Variants in UNC5C observed in about 807,000 individuals in gnomAD.
The protein encoded by UNC5C is netrin receptor UNC5C.
Under a neutral mutation model 99.8 loss-of-function variants are expected in UNC5C, and 47 were observed. That is an observed-to-expected ratio of 0.47 (90% CI 0.37 to 0.60). UNC5C has a LOEUF of 0.60. Among genes scored for constraint, UNC5C ranks in the 20% least tolerant of loss-of-function variants. The pLI is 0.00. For missense variants in UNC5C, 1,062 were observed against 1,165.9 expected (o/e 0.91, Z 1.30); for synonymous variants, 487 against 452.2 (o/e 1.08, Z -0.98).
At chr4:95,493,679 C>T (rs1578194073) in intron 1 of UNC5C, among the ~76,000 whole-genome samples, 1 of 151,290 alleles carries the variant, frequency 6.6e-6, no homozygotes, top group Non-Finnish European at 1.5e-5. Context: ...TACTGTGGGG[C>T]AAAAGTTGTC....
At chr4:95,537,378 C>T (rs1013784933) in intron 1 of UNC5C, among the ~76,000 whole-genome samples, 31 of 152,066 alleles carry the variant, frequency 2.0e-4, no homozygotes, top group Admixed American at 2.0e-4. Context: ...AGGGGAAGGT[C>T]GGCGTGGAGG....
At chr4:95,254,880 A>G (rs899875186) in intron 4 of UNC5C, among the ~76,000 whole-genome samples, 16 of 152,162 alleles carry the variant, frequency 1.1e-4, no homozygotes, top group African/African-American at 3.6e-4. Context: ...ATAAATTCCA[A>G]TGTCTAGCTT....
intron 1 of UNC5C, among the ~76,000 whole-genome samples, chr4:95,544,140 C>T (rs953730540): frequency 2.6e-5 from 4 of 152,062 alleles, no homozygotes; most frequent in Non-Finnish European, 4.4e-5. Context: ...ATATATTATC[C>T]TCATTTTTAC....
At chr4:95,237,182 G>A (rs1047288895) in intron 7 of UNC5C, among the ~76,000 whole-genome samples, 1 of 151,720 alleles carries the variant, frequency 6.6e-6, no homozygotes, top group Admixed American at 6.6e-5. Context: ...CCTGCACTTG[G>A]TTGAATCCAC....
chr4:95,206,989 C>T (rs749749701), intron 10 of UNC5C, among the ~76,000 whole-genome samples, 193 bp from the exon 11 acceptor site: 17 of 150,172 alleles, frequency 1.1e-4, no homozygotes, highest in Non-Finnish European at 2.4e-4. Flanking sequence ...CTTGATCTTG[C>T]AGGACTGGAA....
At chr4:95,214,658 T>C (rs1738186776) in intron 10 of UNC5C, among the ~76,000 whole-genome samples, 1 of 152,144 alleles carries the variant, frequency 6.6e-6, no homozygotes. Context: ...TGATGGAAAA[T>C]AGGAGAGCTC....
intron 1 of UNC5C, among the ~76,000 whole-genome samples, chr4:95,524,388 T>C (rs1300204877): frequency 6.6e-6 from 1 of 152,208 alleles, no homozygotes; most frequent in Non-Finnish European, 1.5e-5. Context: ...GGGGCGATTA[T>C]TATTGCTGCT....
At chr4:95,465,455 A>C (rs1192197668) in intron 1 of UNC5C, among the ~76,000 whole-genome samples, 1 of 152,166 alleles carries the variant, frequency 6.6e-6, no homozygotes, top group African/African-American at 2.4e-5. Flanking sequence ...TATTTGAATC[A>C]TTGTGTTATG....
At chr4:95,266,610 C>T (rs957737223) in intron 4 of UNC5C, among the ~76,000 whole-genome samples, 1 of 152,116 alleles carries the variant, frequency 6.6e-6, no homozygotes, top group Non-Finnish European at 1.5e-5. Context: ...ATAGTCAGAA[C>T]CATTGGCTGC....
At chr4:95,192,277 G>GCCC (rs1298692507) in intron 12 of UNC5C, among the ~76,000 whole-genome samples, 6 of 85,742 alleles carry the variant, frequency 7.0e-5, no homozygotes, top group African/African-American at 2.6e-4. Flanking sequence ...CACCTCTTCT[G>GCCC]CCCACCTCTT....
rs145013421 is a variant in UNC5C, at chr4:95,182,906, G to A, written c.2442C>T (p.Thr814=). 3,287 of 1,611,476 alleles carry A rather than the reference G, an allele frequency of 2.0e-3. 8 individuals are homozygous for A. Among genetic ancestry groups the A allele is most frequent in the Non-Finnish European group, 2.5e-3 (2,984 of 1,178,014 alleles). Residue 814 remains threonine, a synonymous_variant, in exon 14 of 16, where the codon ACC becomes ACT. Coordinates refer to ENST00000453304, the MANE Select transcript of UNC5C (RefSeq NM_003728.4). ...GEGQIFQLNC[T]VSEEPTGIDL... is the part of the protein sequence containing the mutation. ...GACAGGAGCCACTTACCTCTGACAC[G>A]GTGCAGTTGAGCTGGAAGATCTGCC...
At position 95,247,281 on chromosome 4, in the gene UNC5C, T is replaced by C. The variant is rs182883765; in HGVS notation, c.776-2137A>G. On this transcript the variant is annotated intron_variant, in intron 5 of 15. Transcript: ENST00000453304. ...GATATATATGTTTTCTATGGAGTTC[T>C]GGTGAGTCCAACCTATGAGGCTTGG... Among the ~76,000 whole-genome samples the C allele has an allele frequency of 1.2e-4, 19 of 152,184 alleles. No individual in the cohort carries two copies. In the East Asian group the frequency reaches 3.7e-3, roughly 30 times the overall value.
intron 1 of UNC5C, among the ~76,000 whole-genome samples, chr4:95,505,157 A>C (rs1721880749): frequency 1.3e-5 from 2 of 152,086 alleles, no homozygotes; most frequent in South Asian, 4.1e-4. Context: ...CTAATTATTC[A>C]TTGGCAAGGA....
chr4:95,206,251 G>T (rs867570214), intron 11 of UNC5C, among the ~76,000 whole-genome samples: 15 of 151,572 alleles, frequency 9.9e-5, no homozygotes, highest in Admixed American at 2.6e-4. Flanking sequence ...CGCCTGCATT[G>T]GCCTCCCAAA....
chr4:95,236,628 TAGAA>T (rs2149375833), intron 7 of UNC5C, among the ~76,000 whole-genome samples: 1 of 151,396 alleles, frequency 6.6e-6, no homozygotes, highest in South Asian at 2.1e-4. Context: ...AGAAAGCATA[TAGAA>T]AAAGAAAAAA....
At chr4:95,525,763 T>C in intron 1 of UNC5C, among the ~76,000 whole-genome samples, 1 of 152,134 alleles carries the variant, frequency 6.6e-6, no homozygotes, top group East Asian at 1.9e-4. Flanking sequence ...TACTCAAAAG[T>C]GACAGTCAAT....
chr4:95,307,060 T>C (rs1742086379), intron 2 of UNC5C, among the ~76,000 whole-genome samples: 1 of 152,172 alleles, frequency 6.6e-6, no homozygotes, highest in African/African-American at 2.4e-5. Flanking sequence ...GATGTCATAC[T>C]ATAAAAACTG....
chr4:95,446,437 G>T (rs940603548), intron 1 of UNC5C, among the ~76,000 whole-genome samples: 2 of 152,116 alleles, frequency 1.3e-5, no homozygotes, highest in African/African-American at 4.8e-5. Flanking sequence ...TCATAATGAT[G>T]ATTATTTAGA....
chr4:95,538,595 A>G (rs1485873343), intron 1 of UNC5C, among the ~76,000 whole-genome samples: 1 of 152,208 alleles, frequency 6.6e-6, no homozygotes, highest in Non-Finnish European at 1.5e-5. Context: ...TCACTATGAA[A>G]ACCCCACATC....
Sources: gnomAD v4.1 joint callset for allele counts (sites outside exome capture counted in the v4.1 genomes callset) on GRCh38, gnomAD v4.1.1 for gene constraint, MANE v1.5 for transcripts, NCBI Gene and HGNC (gene_info 2026-07-23, HGNC 2026-07-21) for gene names.